PARP8: variants seen among roughly 807,000 people sequenced by gnomAD.
The protein encoded by PARP8 is poly(ADP-ribose) polymerase family member 8, also known as protein mono-ADP-ribosyltransferase PARP8.
PARP8 carries 51 observed loss-of-function variants against 124.1 expected under a neutral mutation model. That is an observed-to-expected ratio of 0.41 (90% CI 0.33 to 0.52). The LOEUF is 0.52. Ranked by LOEUF, PARP8 falls within the 20% of genes least tolerant of loss-of-function variation. The probability of loss-of-function intolerance (pLI) is 0.21; values close to 1 mark genes in which losing one functional copy is unlikely to be tolerated. For synonymous variants in PARP8, 391 were observed against 361.5 expected, an observed-to-expected ratio of 1.08 and a Z score of -0.93; for missense variants, 860 against 1,018.9, an observed-to-expected ratio of 0.84 and a Z score of 2.12.
At chr5:50,774,242 A>T (rs1761927308) in intron 7 of PARP8, among the ~76,000 whole-genome samples, 1 of 152,150 alleles carries the variant, frequency 6.6e-6, no homozygotes, top group African/African-American at 2.4e-5. Context: ...ACTTCTTTCT[A>T]CACAGACACG....
Position 50,770,585 on chromosome 5 carries a change from AAAG to A in PARP8, c.518+7346_518+7348del, listed in dbSNP as rs780658718. Among the ~76,000 whole-genome samples the A allele has an allele frequency of 8.6e-5, 13 of 152,032 alleles. No individual in the cohort carries two copies. In the East Asian group the frequency reaches 1.7e-3, roughly 20 times the overall value. ...AGAAGAAAAGAAGGAAAGAAGGAAA[AAAG>A]AAAGAGAAAGAAAAAGAAAGGAAGG... On this transcript the variant is annotated intron_variant, in intron 7 of 25. Transcript: ENST00000281631.
chr5:50,717,364 A>G (rs1466480922), intron 2 of PARP8, among the ~76,000 whole-genome samples: 2 of 152,048 alleles, frequency 1.3e-5, no homozygotes, highest in African/African-American at 4.8e-5. Context: ...AAAGGAATCA[A>G]TCATGAGAAT....
intron 2 of PARP8, among the ~76,000 whole-genome samples, chr5:50,692,986 T>C (rs1336257547): frequency 6.6e-6 from 1 of 152,214 alleles, no homozygotes; most frequent in Non-Finnish European, 1.5e-5. Context: ...AAAGGAGTTC[T>C]TAAAATTTTT....
intron 2 of PARP8, among the ~76,000 whole-genome samples, chr5:50,739,504 A>C (rs1328777507): frequency 6.6e-6 from 1 of 151,856 alleles, no homozygotes; most frequent in African/African-American, 2.4e-5. Context: ...TCACAACACT[A>C]GGGGAGTAGA....
At chr5:50,745,854 G>A (rs1758482544) in intron 2 of PARP8, among the ~76,000 whole-genome samples, 1 of 152,134 alleles carries the variant, frequency 6.6e-6, no homozygotes, top group African/African-American at 2.4e-5. Context: ...TGGATCACGG[G>A]AAAATGAATT....
intron 2 of PARP8, among the ~76,000 whole-genome samples, chr5:50,701,687 G>T (rs573334207): frequency 6.6e-6 from 1 of 152,220 alleles, no homozygotes; most frequent in African/African-American, 2.4e-5. Context: ...ATAATGTGTT[G>T]ATTAATATAT....
chr5:50,731,926 G>A, intron 2 of PARP8, among the ~76,000 whole-genome samples: 1 of 152,132 alleles, frequency 6.6e-6, no homozygotes. Flanking sequence ...CCATACATTT[G>A]CCACATAGTG....
In PARP8 at chr5:50,778,200, T is replaced by C. The variant is rs1241372350; in HGVS notation, c.579+71T>C. ...TTTTATTTTATTTTTGGGGGAAATT[T>C]AATTTTCAGTTTTGTCTTATAATAC... On this transcript the variant is annotated intron_variant, in intron 8 of 25. Coordinates refer to ENST00000281631, the MANE Select transcript of PARP8 (RefSeq NM_024615.4). 5.0e-6 allele frequency: 6 copies of C among 1,190,098 alleles called. No homozygotes were observed. The East Asian group carries it at 1.3e-4, about 25-fold the overall frequency. 73.7% of individuals were successfully genotyped at this position (1,190,098 alleles called of 1,614,324 possible).
chr5:50,813,500 G>A (rs1233606247), intron 14 of PARP8, among the ~76,000 whole-genome samples: 5 of 152,134 alleles, frequency 3.3e-5, no homozygotes, highest in African/African-American at 9.7e-5. Context: ...GGGCTGAGAC[G>A]ATGGGGTTTT....
chr5:50,790,726 G>A (rs1016840678), intron 10 of PARP8, among the ~76,000 whole-genome samples: 1 of 152,072 alleles, frequency 6.6e-6, no homozygotes, highest in Admixed American at 6.6e-5. Flanking sequence ...AGAAAGCTAT[G>A]TGCCTTTTTC....
At chr5:50,749,598 G>A (rs1431767633) in intron 2 of PARP8, among the ~76,000 whole-genome samples, 1 of 151,944 alleles carries the variant, frequency 6.6e-6, no homozygotes, top group Admixed American at 6.6e-5. Flanking sequence ...TATGAAAATA[G>A]AATAAAGTTT....
chr5:50,828,256 C>T lies in PARP8; in HGVS notation c.2091-56C>T, dbSNP rs112310559. 24 of 1,525,850 alleles carry T rather than the reference C, an allele frequency of 1.6e-5. No homozygotes were observed. In the African/African-American group the frequency reaches 1.9e-4, roughly 12 times the overall value. 94.5% of individuals were successfully genotyped at this position (1,525,850 alleles called of 1,614,324 possible). On this transcript the variant is annotated intron_variant, in intron 20 of 25. Coordinates refer to ENST00000281631, the MANE Select transcript of PARP8 (RefSeq NM_024615.4). ...ACCATGACTTATTATGTTTTGACCA[C>T]TTTGAAGATAATTAATTTTCTGGTT...
At position 50,842,325 on chromosome 5, in the gene PARP8, T is replaced by TAAAC; in HGVS notation, c.*259_*262dup. The TAAAC allele has an allele frequency of 7.2e-6, 2 of 277,286 alleles. No individual in the cohort carries two copies. The highest frequency in any genetic ancestry group is 1.3e-5 in the Non-Finnish European group (2 of 148,948). 17.2% of individuals were successfully genotyped at this position (277,286 alleles called of 1,614,324 possible). A position where few individuals can be genotyped will look rare whatever the true frequency, so the allele number is the denominator to read the frequency against. ...ACTGAAGTTTGGGTTGCTCATACAA[T>TAAAC]AAACAGATTGAAAAAACTGTTTTGT... On this transcript the variant is annotated 3_prime_UTR_variant, in exon 26 of 26. Coordinates refer to ENST00000281631, the MANE Select transcript of PARP8 (RefSeq NM_024615.4).
chr5:50,813,299 G>T (rs1217902731), intron 14 of PARP8, among the ~76,000 whole-genome samples: 1 of 152,052 alleles, frequency 6.6e-6, no homozygotes, highest in East Asian at 1.9e-4. Flanking sequence ...TCCTTGAAGA[G>T]GTCCTTCACA....
chr5:50,704,785 A>G (rs1753963254), intron 2 of PARP8, among the ~76,000 whole-genome samples: 1 of 152,222 alleles, frequency 6.6e-6, no homozygotes, highest in Non-Finnish European at 1.5e-5. Context: ...GACGATTTAA[A>G]ATTGCCAACG....
chr5:50,690,906 C>T (rs996505753), intron 2 of PARP8, among the ~76,000 whole-genome samples: 5 of 152,172 alleles, frequency 3.3e-5, no homozygotes, highest in African/African-American at 1.2e-4. Context: ...TACTTCCCTT[C>T]TCTACACTTC....
In PARP8 at chr5:50,667,780, C is replaced by T. The variant is rs1749510484; in HGVS notation, c.92-291C>T. ...TCCATTTTGCTCCCCCGGGATTTTG[C>T]TTTCGCTACCGCGAGCCCGGCTGAG... On this transcript the variant is annotated intron_variant, in intron 1 of 25. Transcript: ENST00000281631. 3 of 839,220 alleles carry T rather than the reference C, an allele frequency of 3.6e-6. No individual in the cohort carries two copies. In the South Asian group the frequency reaches 4.3e-5, roughly 12 times the overall value. 52.0% of individuals were successfully genotyped at this position (839,220 alleles called of 1,614,324 possible). A position where few individuals can be genotyped will look rare whatever the true frequency, so the allele number is the denominator to read the frequency against.
intron 2 of PARP8, among the ~76,000 whole-genome samples, chr5:50,725,903 T>A (rs990437313): frequency 2.6e-5 from 4 of 152,142 alleles, no homozygotes; most frequent in Admixed American, 2.0e-4. Context: ...GTATACAAAG[T>A]TAGTTTTTCT....
chr5:50,759,906 C>T (rs1760372541), intron 4 of PARP8, among the ~76,000 whole-genome samples, 174 bp downstream of exon 4: 1 of 152,004 alleles, frequency 6.6e-6, no homozygotes, highest in Non-Finnish European at 1.5e-5. Context: ...TTTGTAAATG[C>T]ATAAATTTAA....
Sources: allele counts gnomAD v4.1 joint callset (sites outside exome capture counted in the v4.1 genomes callset), GRCh38; gene constraint gnomAD v4.1.1; transcripts MANE v1.5; gene names NCBI Gene and HGNC (gene_info 2026-07-23, HGNC 2026-07-21).